GALNT17: variants seen among roughly 807,000 people sequenced by gnomAD.
The protein encoded by GALNT17 is UDP-GalNAc:polypeptide N-acetylgalactosaminyltransferase-like 3.
GALNT17 carries 29 observed loss-of-function variants against 63.7 expected under a neutral mutation model. That is an observed-to-expected ratio of 0.46 (90% CI 0.34 to 0.62). The LOEUF is 0.62. Among genes scored for constraint, GALNT17 ranks in the 20% least tolerant of loss-of-function variants. GALNT17 has a pLI of 0.01. For missense variants in GALNT17, 603 were observed against 799.6 expected (o/e 0.75, Z 2.97); for synonymous variants, 305 against 318.3 (o/e 0.96, Z 0.45).
chr7:71,308,313 C>T (rs1036041641), intron 1 of GALNT17, among the ~76,000 whole-genome samples: 4 of 152,000 alleles, frequency 2.6e-5, no homozygotes, highest in Admixed American at 6.6e-5. Flanking sequence ...TGATCTCACC[C>T]GTGTTGCCAA....
At chr7:71,230,471 C>A (rs1286116938) in intron 1 of GALNT17, among the ~76,000 whole-genome samples, 2 of 152,108 alleles carry the variant, frequency 1.3e-5, no homozygotes, top group Non-Finnish European at 2.9e-5. Context: ...GCTTTCTCTT[C>A]TTTTCCACGC....
chr7:71,313,131 C>G (rs1791440191), intron 1 of GALNT17, among the ~76,000 whole-genome samples: 1 of 152,076 alleles, frequency 6.6e-6, no homozygotes, highest in Non-Finnish European at 1.5e-5. Context: ...ATATCCCATC[C>G]CAGAGTCCAC....
chr7:71,538,505 C>A (rs1263447452), intron 5 of GALNT17, among the ~76,000 whole-genome samples: 1 of 152,182 alleles, frequency 6.6e-6, no homozygotes, highest in Non-Finnish European at 1.5e-5. Flanking sequence ...AAGATACCAT[C>A]AGTTAACCTA....
At chr7:71,137,405 C>T (rs1787806447) in intron 1 of GALNT17, among the ~76,000 whole-genome samples, 1 of 152,190 alleles carries the variant, frequency 6.6e-6, no homozygotes, top group African/African-American at 2.4e-5. Flanking sequence ...TCCCAAGGTG[C>T]TGGGATTACA....
intron 1 of GALNT17, among the ~76,000 whole-genome samples, chr7:71,321,888 TTCCTTCCTTCCTTC>T (rs1583859787): frequency 1.2e-5 from 1 of 80,198 alleles, no homozygotes; most frequent in African/African-American, 5.1e-5. Context: ...CCTTCCTTCC[TTCCTTCCTTCCTTC>T]CTTCCTTCCT....
intron 2 of GALNT17, among the ~76,000 whole-genome samples, chr7:71,347,956 A>G (rs1792124532): frequency 6.6e-6 from 1 of 152,068 alleles, no homozygotes; most frequent in South Asian, 2.1e-4. Context: ...TATTGAAGTA[A>G]TTTTTCCTTG....
intron 1 of GALNT17, among the ~76,000 whole-genome samples, chr7:71,266,192 A>G (rs748410668): frequency 4.1e-4 from 49 of 120,484 alleles, no homozygotes; most frequent in Middle Eastern, 4.0e-3. Flanking sequence ...CACCCAGATA[A>G]ATCCGGCATA....
chr7:71,590,196 G>A (rs902597513), intron 6 of GALNT17, among the ~76,000 whole-genome samples: 2 of 152,090 alleles, frequency 1.3e-5, no homozygotes, highest in Non-Finnish European at 2.9e-5. Flanking sequence ...CTGCAATGTT[G>A]ATATTTTTAT....
At chr7:71,622,132 A>C (rs1004292229) in intron 6 of GALNT17, among the ~76,000 whole-genome samples, 2 of 152,156 alleles carry the variant, frequency 1.3e-5, no homozygotes, top group African/African-American at 4.8e-5. Flanking sequence ...ATAGCTTTGG[A>C]GCACACCTCA....
At chr7:71,646,747 C>CCTT (rs112154213) in intron 6 of GALNT17, among the ~76,000 whole-genome samples, 1 of 128,110 alleles carries the variant, frequency 7.8e-6, no homozygotes, top group African/African-American at 3.0e-5. Context: ...TCCAAGTTTC[C>CCTT]TTTTTTTTTT....
intron 5 of GALNT17, among the ~76,000 whole-genome samples, chr7:71,569,324 A>G (rs1034334077): frequency 6.6e-6 from 1 of 152,152 alleles, no homozygotes; most frequent in Non-Finnish European, 1.5e-5. Context: ...CAGATTTGTT[A>G]CATGGGTATA....
intron 1 of GALNT17, among the ~76,000 whole-genome samples, chr7:71,263,750 C>G (rs566239977): frequency 3.3e-5 from 5 of 151,898 alleles, no homozygotes; most frequent in African/African-American, 9.7e-5. Context: ...GGTGAAACCC[C>G]GTCTCTACTA....
chr7:71,224,482 G>T (rs1342706367), intron 1 of GALNT17, among the ~76,000 whole-genome samples: 1 of 152,152 alleles, frequency 6.6e-6, no homozygotes, highest in East Asian at 1.9e-4. Flanking sequence ...AGTGCTTCCA[G>T]TTCTCATCCT....
rs1172700542 is a variant in GALNT17 at position 71,677,381 on chromosome 7, G to C, written c.1500+75G>C. 7 of 1,417,022 alleles carry C rather than the reference G, an allele frequency of 4.9e-6. No homozygotes were observed. The East Asian group carries it at 1.4e-4, about 28-fold the overall frequency. 87.8% of individuals were successfully genotyped at this position (1,417,022 alleles called of 1,614,324 possible). On this transcript the variant is annotated intron_variant, in intron 9 of 10. Transcript: ENST00000333538. Reference sequence around the variant, plus strand: ...CCACAGAGGCCTTGCAGGCCTTCTGGATAAACTTTGTTGCTGTCTACCTTG... The same window carrying C: ...CCACAGAGGCCTTGCAGGCCTTCTGCATAAACTTTGTTGCTGTCTACCTTG...
At chr7:71,184,447 A>G (rs1788794091) in intron 1 of GALNT17, among the ~76,000 whole-genome samples, 2 of 152,172 alleles carry the variant, frequency 1.3e-5, no homozygotes, top group South Asian at 4.1e-4. Context: ...GCTTATCATC[A>G]GAGCCCATCT....
chr7:71,233,502 C>T (rs1397752482), intron 1 of GALNT17, among the ~76,000 whole-genome samples: 1 of 152,208 alleles, frequency 6.6e-6, no homozygotes, highest in African/African-American at 2.4e-5. Flanking sequence ...TAGAACTGCT[C>T]CAGAGCCTAG....
At chr7:71,632,813 A>G (rs1584102579) in intron 6 of GALNT17, among the ~76,000 whole-genome samples, 4 of 152,024 alleles carry the variant, frequency 2.6e-5, no homozygotes, top group African/African-American at 7.2e-5. Flanking sequence ...TCAAAATACT[A>G]TTTATCTTGG....
chr7:71,581,913 A>C (rs1789641502), intron 6 of GALNT17, among the ~76,000 whole-genome samples: 1 of 152,106 alleles, frequency 6.6e-6, no homozygotes, highest in Admixed American at 6.5e-5. Flanking sequence ...AGAGTTGGCT[A>C]TTCTCCATTC....
intron 5 of GALNT17, among the ~76,000 whole-genome samples, chr7:71,500,424 A>G (rs1048728391): frequency 2.0e-5 from 3 of 152,094 alleles, no homozygotes; most frequent in African/African-American, 7.2e-5. Flanking sequence ...TCCTCCACCT[A>G]CCACCATCAT....
Sources: allele counts gnomAD v4.1 joint callset (sites outside exome capture counted in the v4.1 genomes callset), GRCh38; gene constraint gnomAD v4.1.1; transcripts MANE v1.5; gene names NCBI Gene and HGNC (gene_info 2026-07-23, HGNC 2026-07-21).